Variants in STRBP observed in about 807,000 individuals in gnomAD.
STRBP encodes the protein spermatid perinuclear RNA-binding protein.
STRBP carries 13 observed loss-of-function variants against 80.1 expected under a neutral mutation model. That is an observed-to-expected ratio of 0.16 (90% CI 0.11 to 0.26). The LOEUF is 0.26. STRBP is among the 10% of genes least tolerant of loss of function. STRBP has a pLI of 1.00. For synonymous variants in STRBP, 284 were observed against 291.2 expected (o/e 0.98, Z 0.25); for missense variants, 485 against 815.2 (o/e 0.59, Z 4.93).
chr9:123,204,227 A>G (rs1367009169), intron 2 of STRBP, among the ~76,000 whole-genome samples: 1 of 152,266 alleles, frequency 6.6e-6, no homozygotes, highest in African/African-American at 2.4e-5. Context: ...AAGAACAGAT[A>G]AATTTTTTAA....
At chr9:123,241,179 CA>C (rs11303230) in intron 1 of STRBP, among the ~76,000 whole-genome samples, 46,565 of 103,432 alleles carry the variant, frequency 0.45, 13,599 homozygotes, top group African/African-American at 0.82. Context: ...AACTCCATCT[CA>C]AAAAAAAAAA....
rs558353464 is a variant in STRBP at position 123,190,417 on chromosome 9, G to A, written c.-164-6119C>T. 4.6e-5 allele frequency among the ~76,000 whole-genome samples: 7 copies of A among 151,194 alleles called. No individual in the cohort carries two copies. In the South Asian group the frequency reaches 1.5e-3, roughly 32 times the overall value. On this transcript the variant is annotated intron_variant, in intron 2 of 18. Coordinates refer to ENST00000348403, the MANE Select transcript of STRBP (RefSeq NM_018387.5). ...CATTATTTCTATGCAATAGTAATGT[G>A]AAAAGAACACTGAATTTCAATATTT...
downstream of STRBP, among the ~76,000 whole-genome samples, chr9:123,117,133 G>A (rs367961543): frequency 6.6e-5 from 10 of 152,160 alleles, no homozygotes; most frequent in East Asian, 1.9e-3. Flanking sequence ...AACGGGAAAG[G>A]GCCTGAGAGA....
At chr9:123,154,450 C>A (rs1299282748) in intron 11 of STRBP, among the ~76,000 whole-genome samples, 2 of 152,094 alleles carry the variant, frequency 1.3e-5, no homozygotes, top group Non-Finnish European at 2.9e-5. Flanking sequence ...TTCAGAAAGT[C>A]AGAAATGGTA....
chr9:123,245,989 GGAGTTT>G (rs1305320777), intron 1 of STRBP, among the ~76,000 whole-genome samples: 1 of 152,196 alleles, frequency 6.6e-6, no homozygotes, highest in African/African-American at 2.4e-5. Context: ...ACTCGGCAAT[GGAGTTT>G]GAGTCTGAAA....
intron 2 of STRBP, among the ~76,000 whole-genome samples, chr9:123,230,780 T>C (rs532465203): frequency 2.0e-5 from 3 of 152,222 alleles, no homozygotes; most frequent in Admixed American, 6.5e-5. Flanking sequence ...TGTTTTAAAA[T>C]TGCTTTAACT....
intron 5 of STRBP, among the ~76,000 whole-genome samples, chr9:123,172,355 A>G (rs2038047844): frequency 1.3e-5 from 2 of 152,206 alleles, no homozygotes; most frequent in Non-Finnish European, 2.9e-5. Context: ...AACTTTATTA[A>G]TATTCTAATA....
chr9:123,173,015 T>C (rs2038073309), intron 5 of STRBP, among the ~76,000 whole-genome samples: 1 of 152,044 alleles, frequency 6.6e-6, no homozygotes, highest in Admixed American at 6.6e-5. Context: ...GATCACAGAC[T>C]CCCAATCAGT....
rs1315981279 is a variant in STRBP at position 123,128,806 on chromosome 9, G to A, written c.1898-548C>T. Among the ~76,000 whole-genome samples, 4 of 152,190 alleles carry A rather than the reference G, an allele frequency of 2.6e-5. No individual in the cohort carries two copies. In the South Asian group the frequency reaches 6.2e-4, roughly 24 times the overall value. ...TTAAAACAGGCACATGAGTCAGGTC[G>A]TGAGCCCAAGGGCAAGGTCTATGAC... On this transcript the variant is annotated intron_variant, in intron 17 of 18. Coordinates refer to ENST00000348403, the MANE Select transcript of STRBP (RefSeq NM_018387.5).
At chr9:123,258,630 T>C (rs574723664) in intron 1 of STRBP, among the ~76,000 whole-genome samples, 77 of 151,974 alleles carry the variant, frequency 5.1e-4, no homozygotes, top group East Asian at 1.5e-3. Flanking sequence ...AGTGAAACCC[T>C]GTCTCTATTA....
chr9:123,134,249 G>A (rs1026041338), intron 16 of STRBP, among the ~76,000 whole-genome samples: 6 of 152,170 alleles, frequency 3.9e-5, no homozygotes, highest in Non-Finnish European at 8.8e-5. Context: ...GCAAGAAAGT[G>A]GTGCAAAGCC....
At chr9:123,113,118 A>G (rs960300079) in intron 3 of STRBP, 3 of 167,160 alleles carry the variant, frequency 1.8e-5, no homozygotes, top group African/African-American at 7.2e-5. Context: ...TCTAATACCA[A>G]AAGTACCTTG....
At chr9:123,208,771 C>A (rs2039610071) in intron 2 of STRBP, among the ~76,000 whole-genome samples, 1 of 152,166 alleles carries the variant, frequency 6.6e-6, no homozygotes, top group African/African-American at 2.4e-5. Flanking sequence ...CACTGCCAAT[C>A]CTGTGGCAGC....
chr9:123,187,631 T>A (rs2040370215), intron 2 of STRBP, among the ~76,000 whole-genome samples: 1 of 152,204 alleles, frequency 6.6e-6, no homozygotes, highest in Non-Finnish European at 1.5e-5. Context: ...TATAAAGGAA[T>A]GTGTGTCACT....
Position 123,147,810 on chromosome 9 carries a change from G to C in STRBP, c.1106C>G (p.Pro369Arg), listed in dbSNP as rs1368532380. The C allele has an allele frequency of 4.3e-6, 7 of 1,611,838 alleles. No homozygotes were observed. The highest frequency in any genetic ancestry group is 5.9e-6 in the Non-Finnish European group (7 of 1,179,140). ...TAAGTTTCGTTTCATCTTCTTGTTG[G>C]GGTCTTTATCATCCCCTAATCCATC... ...FEDGLGDDKDPNKKMKRNLRK... is the reference protein window; with the variant it reads ...FEDGLGDDKDRNKKMKRNLRK... The change falls in exon 12 of 19, where the codon CCC becomes CGC. Residue 369 changes from proline (P) to arginine (R), a missense_variant. Pro to Arg is a moderately radical substitution (Grantham distance 103, BLOSUM62 -2). This residue lies in a region of STRBP where 377 missense variants were observed against 616.1 expected (regional missense o/e 0.61). Coordinates refer to ENST00000348403, the MANE Select transcript of STRBP (RefSeq NM_018387.5).
chr9:123,258,701 G>A (rs1221589018), intron 1 of STRBP, among the ~76,000 whole-genome samples: 1 of 151,948 alleles, frequency 6.6e-6, no homozygotes, highest in Non-Finnish European at 1.5e-5. Context: ...CTACTCAGGA[G>A]GCTGAGGCAG....
rs752681722 is a variant in STRBP, at chr9:123,115,506, C to T, written c.*84+423G>A. ...TTCTTCCCCTCCCTGTACTCTCCAT[C>T]TGGGTCAATGATTTCACCTTCTACT... On this transcript the variant is annotated intron_variant and NMD_transcript_variant, in intron 3 of 3. Coordinates refer to the STRBP transcript ENST00000471564. This position sits in a 1 kb window ranked among gnomAD's most constrained non-coding sequence, Gnocchi z 5.0. 8 of 389,698 alleles carry T rather than the reference C, an allele frequency of 2.1e-5. No homozygotes were observed. The highest frequency in any genetic ancestry group is 7.5e-4 in the Middle Eastern group (2 of 2,682). The allele number at this position is 389,698 out of a possible 1,614,324, so 24.1% of individuals were successfully genotyped here. A position where few individuals can be genotyped will look rare whatever the true frequency, so the allele number is the denominator to read the frequency against.
intron 1 of STRBP, among the ~76,000 whole-genome samples, chr9:123,240,846 C>T (rs1321198239): frequency 2.6e-5 from 4 of 152,106 alleles, no homozygotes; most frequent in Non-Finnish European, 5.9e-5. Context: ...GCCTGGACTC[C>T]AAACTTGTAT....
chr9:123,182,679 T>C (rs748922262), intron 3 of STRBP, among the ~76,000 whole-genome samples: 9 of 152,154 alleles, frequency 5.9e-5, no homozygotes, highest in Non-Finnish European at 1.0e-4. Flanking sequence ...TTATAATCCT[T>C]GGCACAAATA....
Sources: allele counts gnomAD v4.1 joint callset (sites outside exome capture counted in the v4.1 genomes callset), GRCh38; gene constraint gnomAD v4.1.1; regional missense constraint gnomAD v4.1.1; non-coding constraint Gnocchi (gnomAD v3.1); transcripts MANE v1.5; gene names NCBI Gene and HGNC (gene_info 2026-07-23, HGNC 2026-07-21).